LPAR1: variants seen among roughly 807,000 people sequenced by gnomAD.
The protein encoded by LPAR1 is LPA receptor 1.
In LPAR1, 5 loss-of-function variants were observed where a neutral mutation model predicts 23.8. The ratio of observed to expected loss-of-function variants is 0.21; its 90% CI spans 0.11 to 0.44. The LOEUF is 0.44. Among genes scored for constraint, LPAR1 ranks in the 20% least tolerant of loss-of-function variants. The pLI is 0.99. For synonymous variants in LPAR1, 160 were observed against 164.7 expected (o/e 0.97, Z 0.22); for missense variants, 311 against 482.8 (o/e 0.64, Z 3.33).
intron 5 of LPAR1, among the ~76,000 whole-genome samples, chr9:110,936,844 A>C (rs545561512): frequency 6.6e-6 from 1 of 152,284 alleles, no homozygotes; most frequent in African/African-American, 2.4e-5. Context: ...CCTGGACAGA[A>C]GTGTCATCAC....
chr9:110,932,754 G>T (rs868700693), intron 5 of LPAR1, among the ~76,000 whole-genome samples: 1 of 152,228 alleles, frequency 6.6e-6, no homozygotes, highest in Non-Finnish European at 1.5e-5. Flanking sequence ...TAGATTGCGT[G>T]CTTCTTATGA....
chr9:110,928,627 C>A (rs1019925891), intron 5 of LPAR1, among the ~76,000 whole-genome samples: 2 of 152,190 alleles, frequency 1.3e-5, no homozygotes, highest in African/African-American at 4.8e-5. Context: ...CACACACACA[C>A]CTTTTAAAGA....
rs555525954 is a variant in LPAR1, at chr9:110,919,078, G to C, written c.793+22343C>G. ...GATTAGGTTCTGTCAAATAGCAAAA[G>C]TGAAGGGGTTTTGCATATGTAATTA... On this transcript the variant is annotated intron_variant, in intron 5 of 5. Coordinates refer to ENST00000683809, the MANE Select transcript of LPAR1 (RefSeq NM_001351411.2). Among the ~76,000 whole-genome samples, 212 of 152,256 alleles carry C rather than the reference G, an allele frequency of 1.4e-3. 1 individual carries two copies. Among genetic ancestry groups the C allele is most frequent in the Non-Finnish European group, 2.2e-3 (150 of 68,018 alleles).
At chr9:110,891,433 T>G (rs1465442856) in intron 5 of LPAR1, among the ~76,000 whole-genome samples, 1 of 152,162 alleles carries the variant, frequency 6.6e-6, no homozygotes, top group Non-Finnish European at 1.5e-5. Context: ...AACGCATTTG[T>G]GGGGGCAAGT....
intron 5 of LPAR1, among the ~76,000 whole-genome samples, chr9:110,934,092 C>A (rs536007808): frequency 1.3e-5 from 2 of 152,180 alleles, no homozygotes; most frequent in Non-Finnish European, 2.9e-5. Flanking sequence ...CATGGATATT[C>A]GCTCAGGTTC....
intron 2 of LPAR1, among the ~76,000 whole-genome samples, chr9:110,974,435 G>A (rs548467297): frequency 1.6e-4 from 25 of 152,264 alleles, no homozygotes; most frequent in African/African-American, 5.5e-4. Flanking sequence ...GGCAAATGAG[G>A]AGCTCAGAAG....
At chr9:110,875,839 G>T in intron 5 of LPAR1, 117 bp from the exon 6 acceptor site, 1 of 523,978 alleles carries the variant, frequency 1.9e-6, no homozygotes. Context: ...ACTGAAGTTG[G>T]AAGCCACCAT....
At chr9:110,933,108 G>T (rs1002851329) in intron 5 of LPAR1, among the ~76,000 whole-genome samples, 5 of 152,188 alleles carry the variant, frequency 3.3e-5, no homozygotes, top group African/African-American at 4.8e-5. Flanking sequence ...CATACATAGG[G>T]CTGAGGCTCA....
chr9:110,881,721 G>A (rs1210390810), intron 5 of LPAR1, among the ~76,000 whole-genome samples: 1 of 152,150 alleles, frequency 6.6e-6, no homozygotes, highest in African/African-American at 2.4e-5. Flanking sequence ...TCTGCCAATT[G>A]CAACAGGCTC....
At position 110,908,218 on chromosome 9, in the gene LPAR1, A is replaced by AG. The variant is rs558838235; in HGVS notation, c.794-32497dup. Among the ~76,000 whole-genome samples the AG allele has an allele frequency of 9.9e-4, 150 of 151,260 alleles. 1 individual carries two copies. Among genetic ancestry groups the AG allele is most frequent in the African/African-American group, 3.3e-3 (138 of 41,426 alleles). On this transcript the variant is annotated intron_variant, in intron 5 of 5. Transcript: ENST00000683809. ...AATATCTAAATGTTTATAAATAGTA[A>AG]GCAATTTTAAAATATTTTACTTAAA...
At chr9:110,994,560 A>T (rs1432529326) in intron 2 of LPAR1, among the ~76,000 whole-genome samples, 1 of 152,124 alleles carries the variant, frequency 6.6e-6, no homozygotes, top group Non-Finnish European at 1.5e-5. Flanking sequence ...TAAACAATTC[A>T]CTCTTAATTG....
At chr9:110,980,967 C>A (rs1396972196) in intron 2 of LPAR1, among the ~76,000 whole-genome samples, 1 of 151,960 alleles carries the variant, frequency 6.6e-6, no homozygotes, top group African/African-American at 2.4e-5. Context: ...AAATCCCAAG[C>A]ATCATTTAAT....
intron 5 of LPAR1, among the ~76,000 whole-genome samples, chr9:110,912,633 C>T (rs1248769524): frequency 6.6e-6 from 1 of 152,150 alleles, no homozygotes; most frequent in Non-Finnish European, 1.5e-5. Flanking sequence ...CTTTCATCAA[C>T]TATAGAAGCT....
At chr9:110,879,263 C>T (rs1371266512) in intron 5 of LPAR1, among the ~76,000 whole-genome samples, 1 of 151,586 alleles carries the variant, frequency 6.6e-6, no homozygotes, top group East Asian at 1.9e-4. Flanking sequence ...ACTAAAAATA[C>T]AAAAATTAGC....
intron 4 of LPAR1, 67 bp from the exon 5 acceptor site, chr9:110,942,235 T>A (rs2095153056): frequency 7.2e-7 from 1 of 1,388,122 alleles, no homozygotes; most frequent in Non-Finnish European, 9.8e-7. Context: ...CTTATATAGA[T>A]AACACAAGAC....
In LPAR1 at chr9:111,028,182, G is replaced by A. The variant is rs1048627083; in HGVS notation, c.-182+7940C>T. On this transcript the variant is annotated intron_variant, in intron 2 of 5. Transcript: ENST00000683809. ...ATCTCACTCTGTCACCCAGGCTGGAGTGCAGTGGCACAAACTCTGCTCACT... is the reference window on the plus strand; with the variant it reads ...ATCTCACTCTGTCACCCAGGCTGGAATGCAGTGGCACAAACTCTGCTCACT... Among the ~76,000 whole-genome samples, 6 of 151,258 alleles carry A rather than the reference G, an allele frequency of 4.0e-5. No homozygotes were observed. In the South Asian group the frequency reaches 8.3e-4, roughly 21 times the overall value.
At chr9:110,916,858 A>G (rs1433138812) in intron 5 of LPAR1, among the ~76,000 whole-genome samples, 1 of 152,014 alleles carries the variant, frequency 6.6e-6, no homozygotes, top group Non-Finnish European at 1.5e-5. Flanking sequence ...CTGTAACAAT[A>G]TGCATGGAAA....
chr9:111,015,135 A>G (rs137976011), intron 2 of LPAR1, among the ~76,000 whole-genome samples: 85 of 152,292 alleles, frequency 5.6e-4, no homozygotes, highest in African/African-American at 1.9e-3. Flanking sequence ...CAGTCCTCAC[A>G]ATTCTCTATG....
chr9:110,939,775 A>G (rs7040241), intron 5 of LPAR1, among the ~76,000 whole-genome samples: 3,711 of 152,310 alleles, frequency 0.024, 137 homozygotes, highest in African/African-American at 0.084. Flanking sequence ...TTCAGTAGTC[A>G]TTTGCTGCTG....
Sources: allele counts gnomAD v4.1 joint callset (sites outside exome capture counted in the v4.1 genomes callset), GRCh38; gene constraint gnomAD v4.1.1; transcripts MANE v1.5; gene names NCBI Gene and HGNC (gene_info 2026-07-23, HGNC 2026-07-21).